CCM2: variants seen among roughly 807,000 people sequenced by gnomAD.
The protein encoded by CCM2 is cerebral cavernous malformations 2 protein.
A neutral mutation model predicts 44.9 loss-of-function variants in CCM2; 25 were observed. That is an observed-to-expected ratio of 0.56 (90% CI 0.41 to 0.78). The LOEUF is 0.78. Ranked by LOEUF, CCM2 falls within the 30% of genes least tolerant of loss-of-function variation. The pLI, the probability that CCM2 is intolerant of heterozygous loss-of-function variation, is 0.00. For missense variants in CCM2, 481 were observed against 580.6 expected, an observed-to-expected ratio of 0.83 and a Z score of 1.76; for synonymous variants, 219 against 241.1, an observed-to-expected ratio of 0.91 and a Z score of 0.85.
intron 1 of CCM2, among the ~76,000 whole-genome samples, chr7:45,036,713 C>G (rs1341836560): frequency 6.6e-6 from 1 of 152,038 alleles, no homozygotes; most frequent in Non-Finnish European, 1.5e-5. Context: ...TCTGCTACAC[C>G]GTTTTATATT....
Position 45,076,355 on chromosome 7 carries a change from C to A in CCM2, c.*298C>A. 1.7e-6 allele frequency: 1 copy of A among 581,686 alleles called. No individual in the cohort carries two copies. The highest frequency in any genetic ancestry group is 3.2e-6 in the Non-Finnish European group (1 of 312,218). 36.0% of individuals were successfully genotyped at this position (581,686 alleles called of 1,614,324 possible). ...AGCGGGCAGGGAGAGCCAGTCCTGT[C>A]GGCTGGGCCCTTGGACGGCTGTCAG... On this transcript the variant is annotated 3_prime_UTR_variant, in exon 10 of 10. Coordinates refer to ENST00000258781, the MANE Select transcript of CCM2 (RefSeq NM_031443.4).
chr7:45,054,827 G>A (rs1179228878), intron 2 of CCM2, among the ~76,000 whole-genome samples: 1 of 152,222 alleles, frequency 6.6e-6, no homozygotes, highest in African/African-American at 2.4e-5. Context: ...AGGGGCACTG[G>A]GTGTTGGCCA....
chr7:45,009,936 G>T (rs1796001939), intron 1 of CCM2, among the ~76,000 whole-genome samples: 1 of 149,624 alleles, frequency 6.7e-6, no homozygotes, highest in Non-Finnish European at 1.5e-5. Flanking sequence ...TTTAAACAGG[G>T]TCTCACTCTG....
At position 45,038,441 on chromosome 7, in the gene CCM2, G is replaced by A; in HGVS notation, c.204+15G>A. The A allele has an allele frequency of 6.2e-7, 1 of 1,613,470 alleles. No homozygotes were observed. Among genetic ancestry groups the A allele is most frequent in the South Asian group, 1.1e-5 (1 of 91,066 alleles). The stretch of plus-strand genomic sequence containing the variant: ...AGGAGGTAAAGGTAAGTCGTCATGG[G>A]CCACAGGACGTGCCTGCCAAACGAC... On this transcript the variant is annotated intron_variant, in intron 2 of 9. Coordinates refer to ENST00000258781, the MANE Select transcript of CCM2 (RefSeq NM_031443.4).
At chr7:45,013,571 T>C (rs1474528218) in intron 1 of CCM2, among the ~76,000 whole-genome samples, 1 of 152,178 alleles carries the variant, frequency 6.6e-6, no homozygotes, top group Non-Finnish European at 1.5e-5. Flanking sequence ...TCTGACATCA[T>C]TAAAATCAGG....
At chr7:45,059,418 TAAA>T (rs55678662) in intron 2 of CCM2, among the ~76,000 whole-genome samples, 6 of 131,518 alleles carry the variant, frequency 4.6e-5, no homozygotes, top group Admixed American at 3.8e-4. Flanking sequence ...CCCTGTCTGT[TAAA>T]AAAAAAAAAA....
intron 1 of CCM2, among the ~76,000 whole-genome samples, chr7:45,006,403 GTGCAATCTTGGCTCGC>G (rs1203829241): frequency 6.6e-6 from 1 of 151,778 alleles, no homozygotes; most frequent in African/African-American, 2.4e-5. Context: ...GAGTGCAGTG[GTGCAATCTTGGCTCGC>G]TGCAAGCTCC....
At chr7:45,072,447 T>G in intron 6 of CCM2, 1 of 566,964 alleles carries the variant, frequency 1.8e-6, no homozygotes. Context: ...CAGCTTTTGC[T>G]GGCTCTGGCC....
At chr7:45,010,560 A>C (rs1015807999) in intron 1 of CCM2, among the ~76,000 whole-genome samples, 1 of 151,884 alleles carries the variant, frequency 6.6e-6, no homozygotes, top group Non-Finnish European at 1.5e-5. Flanking sequence ...TTGTTTATTC[A>C]TTTGTTGGAG....
At position 45,075,871 on chromosome 7, in the gene CCM2, C is replaced by T. The variant is rs771869053; in HGVS notation, c.1149C>T (p.Asp383=). The T allele has an allele frequency of 1.9e-6, 3 of 1,613,534 alleles. No homozygotes were observed. The highest frequency in any genetic ancestry group is 1.7e-6 in the Non-Finnish European group (2 of 1,180,038). The part of the protein sequence containing the change: ...GVKDGRGIIT[D]SFGRHRRALS... ...AGGATGGCCGCGGCATCATCACTGA[C>T]AGCTTTGGCAGGCACCGGCGGGCCC... The change falls in exon 10 of 10, where the codon GAC becomes GAT. Residue 383 remains aspartate (D), a synonymous_variant. Transcript: ENST00000258781.
At chr7:45,045,147 A>G (rs1236287588) in intron 2 of CCM2, among the ~76,000 whole-genome samples, 1 of 152,146 alleles carries the variant, frequency 6.6e-6, no homozygotes, top group African/African-American at 2.4e-5. Context: ...CACTTGCTCC[A>G]CTATCGTTAT....
chr7:45,072,556 C>A, intron 6 of CCM2, 170 bp from the exon 7 acceptor site: 1 of 690,790 alleles, frequency 1.4e-6, no homozygotes, highest in South Asian at 1.5e-5. Context: ...GAAGCCCTGC[C>A]CTGAGGCACA....
intron 1 of CCM2, among the ~76,000 whole-genome samples, chr7:45,014,814 G>C (rs367942528): frequency 6.7e-6 from 1 of 150,120 alleles, no homozygotes; most frequent in Non-Finnish European, 1.5e-5. Context: ...TAGAGACGGG[G>C]TTTCGTCATG....
intron 1 of CCM2, among the ~76,000 whole-genome samples, chr7:45,006,043 C>T (rs371866330): frequency 2.0e-4 from 31 of 152,140 alleles, no homozygotes; most frequent in African/African-American, 6.8e-4. Context: ...GAAATGTGTA[C>T]GGTGAGCCTG....
chr7:45,069,977 G>T lies in CCM2; in HGVS notation c.745+16G>T, dbSNP rs747460831. On this transcript the variant is annotated intron_variant, in intron 6 of 9. Transcript: ENST00000258781. ...CTGCACAGCGGTATGTTGAGTGAGA[G>T]TGGGCAGCGGGTGGGAGCAGGGACA... 7 of 1,613,210 alleles carry T rather than the reference G, an allele frequency of 4.3e-6. No individual in the cohort carries two copies. In the East Asian group the frequency reaches 1.6e-4, roughly 36 times the overall value.
intron 1 of CCM2, among the ~76,000 whole-genome samples, chr7:45,004,417 T>C (rs1038530617): frequency 6.6e-6 from 1 of 152,218 alleles, no homozygotes; most frequent in Non-Finnish European, 1.5e-5. Context: ...TCTACTTTTA[T>C]GTATTTTTGA....
chr7:45,075,256 C>G (rs1411926921), intron 9 of CCM2, among the ~76,000 whole-genome samples: 1 of 152,252 alleles, frequency 6.6e-6, no homozygotes, highest in African/African-American at 2.4e-5. Context: ...AGTAGAGATT[C>G]TGAGAGACAC....
chr7:45,074,032 T>C, intron 8 of CCM2: 2 of 803,728 alleles, frequency 2.5e-6, no homozygotes, highest in African/African-American at 3.5e-5. Context: ...CCATGCACTC[T>C]GTGTTCCAGC....
At chr7:45,001,108 T>C (rs1175948385) in intron 1 of CCM2, among the ~76,000 whole-genome samples, 1 of 152,256 alleles carries the variant, frequency 6.6e-6, no homozygotes, top group African/African-American at 2.4e-5. Context: ...TGCGCACTTT[T>C]ATCCACAAGT....
Sources: gnomAD v4.1 joint callset for allele counts (sites outside exome capture counted in the v4.1 genomes callset) on GRCh38, gnomAD v4.1.1 for gene constraint, MANE v1.5 for transcripts, NCBI Gene and HGNC (gene_info 2026-07-23, HGNC 2026-07-21) for gene names.